The following ENTREP2 variants were observed in gnomAD, a reference collection of about 807,000 sequenced individuals.
ENTREP2 encodes the protein protein ENTREP2.
At chr15:29,284,823 G>A in the ENTREP2 span, among the ~76,000 whole-genome samples, 2 of 152,216 alleles carry the variant, frequency 1.3e-5, no homozygotes, top group Admixed American at 1.3e-4. Context: ...GGAGAAGACA[G>A]AGTGCAGTGA....
the ENTREP2 span, among the ~76,000 whole-genome samples, chr15:29,627,475 G>T: frequency 6.6e-6 from 1 of 151,324 alleles, no homozygotes; most frequent in African/African-American, 2.4e-5. Context: ...CCTGAGAGGC[G>T]GAGGTTGCAG....
chr15:29,348,360 G>A, the ENTREP2 span, among the ~76,000 whole-genome samples: 24 of 152,116 alleles, frequency 1.6e-4, no homozygotes, highest in African/African-American at 5.6e-4. Context: ...AATGTTGAAC[G>A]GGTCTGGCCT....
the ENTREP2 span, among the ~76,000 whole-genome samples, chr15:29,364,649 G>C: frequency 6.6e-6 from 1 of 152,206 alleles, no homozygotes. Context: ...GGGAGACAGA[G>C]ATAGATCATG....
chr15:29,408,641 C>T, the ENTREP2 span, among the ~76,000 whole-genome samples: 1 of 152,076 alleles, frequency 6.6e-6, no homozygotes, highest in African/African-American at 2.4e-5. Flanking sequence ...TCTGGCTGAC[C>T]CTCTCATTTA....
the ENTREP2 span, among the ~76,000 whole-genome samples, chr15:29,399,166 C>A: frequency 2.0e-5 from 3 of 152,200 alleles, no homozygotes; most frequent in Non-Finnish European, 2.9e-5. Flanking sequence ...TGCCAACAAC[C>A]TGAAGGAGTT....
At chr15:29,534,276 G>A in the ENTREP2 span, among the ~76,000 whole-genome samples, 1 of 152,120 alleles carries the variant, frequency 6.6e-6, no homozygotes, top group Non-Finnish European at 1.5e-5. Context: ...CTGAGAGGAT[G>A]GAGAAATACA....
chr15:29,670,652 A>C, the ENTREP2 span, among the ~76,000 whole-genome samples: 2 of 152,150 alleles, frequency 1.3e-5, no homozygotes, highest in Non-Finnish European at 2.9e-5. Flanking sequence ...TCTTTAAAGA[A>C]AATGAAAACA....
chr15:29,377,864 A>ATAAT, the ENTREP2 span, among the ~76,000 whole-genome samples: 50 of 103,344 alleles, frequency 4.8e-4, 1 homozygote, highest in Middle Eastern at 5.5e-3. Context: ...AATAATAATA[A>ATAAT]AAAAATGAGC....
chr15:29,560,438 T>C, the ENTREP2 span, among the ~76,000 whole-genome samples: 1 of 152,122 alleles, frequency 6.6e-6, no homozygotes, highest in Non-Finnish European at 1.5e-5. Context: ...GAGAGAAGCC[T>C]GGGCCCAGGA....
the ENTREP2 span, among the ~76,000 whole-genome samples, chr15:29,252,700 G>T: frequency 6.6e-6 from 1 of 152,158 alleles, no homozygotes; most frequent in Non-Finnish European, 1.5e-5. Flanking sequence ...GCCATAGCAA[G>T]CTACCATGAT....
At chr15:29,630,955 T>C in the ENTREP2 span, among the ~76,000 whole-genome samples, 46 of 152,376 alleles carry the variant, frequency 3.0e-4, no homozygotes, top group Non-Finnish European at 4.7e-4. Context: ...ATGGTGGCAT[T>C]ACAGGCATAA....
the ENTREP2 span, among the ~76,000 whole-genome samples, chr15:29,577,528 A>AT: frequency 6.6e-6 from 1 of 151,868 alleles, no homozygotes; most frequent in Non-Finnish European, 1.5e-5. Context: ...TAATTTTTGT[A>AT]TTTTTTGTAG....
At chr15:29,276,239 A>T in the ENTREP2 span, among the ~76,000 whole-genome samples, 25,011 of 152,038 alleles carry the variant, frequency 0.16, 2,723 homozygotes, top group African/African-American at 0.32. Flanking sequence ...CTGGTCTTAG[A>T]CTCTCTTTTC....
the ENTREP2 span, among the ~76,000 whole-genome samples, chr15:29,445,003 C>T: frequency 6.6e-6 from 1 of 152,210 alleles, no homozygotes; most frequent in Non-Finnish European, 1.5e-5. Context: ...CCAATACTGA[C>T]ACCTTGCTTC....
chr15:29,444,174 GAAAGAAAGAAAGAAAGAAAGAA>G, the ENTREP2 span, among the ~76,000 whole-genome samples: 46 of 29,734 alleles, frequency 1.5e-3, no homozygotes, highest in African/African-American at 4.4e-3. Flanking sequence ...GACAGACAAA[GAAAGAAAGAAAGAAAGAAAGAA>G]AGAAAGAAAG....
At chr15:29,233,531 C>T in the ENTREP2 span, 1 of 535,372 alleles carries the variant, frequency 1.9e-6, no homozygotes, top group Non-Finnish European at 3.3e-6. Context: ...TTGTATAGGC[C>T]AAACAGACCT....
chr15:29,594,316 C>A, the ENTREP2 span, among the ~76,000 whole-genome samples: 4 of 152,054 alleles, frequency 2.6e-5, no homozygotes, highest in Non-Finnish European at 5.9e-5. Flanking sequence ...GCCTCACCTC[C>A]CGCTGTTCTT....
chr15:29,170,130 A>G, the ENTREP2 span, among the ~76,000 whole-genome samples: 1 of 151,494 alleles, frequency 6.6e-6, no homozygotes, highest in East Asian at 1.9e-4. Context: ...ACATGGTGAA[A>G]CCCCCATCTC....
the ENTREP2 span, among the ~76,000 whole-genome samples, chr15:29,650,197 C>A: frequency 0.016 from 2,382 of 151,832 alleles, 59 homozygotes; most frequent in African/African-American, 0.055. Flanking sequence ...AAAAGTTAGA[C>A]AATGGTTTTT....
Sources: allele counts gnomAD v4.1 joint callset (sites outside exome capture counted in the v4.1 genomes callset), GRCh38; gene constraint gnomAD v4.1.1; transcripts MANE v1.5; gene names NCBI Gene and HGNC (gene_info 2026-07-23, HGNC 2026-07-21).